Variants in NRAP observed in about 807,000 individuals in gnomAD.
The protein encoded by NRAP is nebulin related anchoring protein, also known as nebulin-related-anchoring protein.
In NRAP, 189 loss-of-function variants were observed where a neutral mutation model predicts 225.9. The ratio of observed to expected loss-of-function variants is 0.84; its 90% CI spans 0.74 to 0.94. The LOEUF (loss-of-function observed/expected upper bound fraction) is 0.94. NRAP is among the 40% of genes least tolerant of loss of function. The pLI is 0.00. For missense variants in NRAP, 2,176 were observed against 2,168.7 expected, an observed-to-expected ratio of 1.00 and a Z score of -0.07; for synonymous variants, 769 against 790.7, an observed-to-expected ratio of 0.97 and a Z score of 0.46.
At position 113,646,710 on chromosome 10, in the gene NRAP, A is replaced by C. The variant is rs531133747; in HGVS notation, c.993+213T>G. On this transcript the variant is annotated intron_variant, in intron 10 of 41. Coordinates refer to ENST00000359988, the MANE Select transcript of NRAP (RefSeq NM_198060.4). ...CCTCTGTACTTGCTTCAATGGCCTC[A>C]AGCGAGCTATGCTGGCTGTCCGTGT... Among the ~76,000 whole-genome samples the C allele has an allele frequency of 3.9e-4, 59 of 152,342 alleles. 1 individual carries two copies. Among genetic ancestry groups the C allele is most frequent in the African/African-American group, 1.4e-3 (57 of 41,574 alleles).
chr10:113,588,840 G>GTTAT lies in NRAP; in HGVS notation c.*131_*134dup, dbSNP rs1418691327. 1.4e-6 allele frequency: 1 copy of GTTAT among 699,894 alleles called. No homozygotes were observed. The highest frequency in any genetic ancestry group is 1.8e-5 in the African/African-American group (1 of 56,200). The allele number at this position is 699,894 out of a possible 1,614,324, so 43.4% of individuals were successfully genotyped here. A position where few individuals can be genotyped will look rare whatever the true frequency, so the allele number is the denominator to read the frequency against. Reference sequence around the variant, plus strand: ...ACAACATTCTCCATCTGCTTTCAGAGTTATTATTTTAATAAAGGAAGATCT... The same window carrying GTTAT: ...ACAACATTCTCCATCTGCTTTCAGAGTTATTTATTATTTTAATAAAGGAAGATCT... On this transcript the variant is annotated 3_prime_UTR_variant, in exon 42 of 42. Transcript: ENST00000359988.
chr10:113,630,142 C>T (rs866666868), intron 18 of NRAP, among the ~76,000 whole-genome samples: 4 of 152,174 alleles, frequency 2.6e-5, no homozygotes, highest in Non-Finnish European at 4.4e-5. Flanking sequence ...CCTGATCTGC[C>T]CTCTAACAGC....
intron 11 of NRAP, among the ~76,000 whole-genome samples, chr10:113,644,543 C>T (rs140096801): frequency 0.013 from 2,012 of 152,266 alleles, 32 homozygotes; most frequent in Non-Finnish European, 0.019. Context: ...AGGCAGTGGG[C>T]TGGATTTGTC....
At chr10:113,646,066 A>T (rs1849489251) in intron 10 of NRAP, 125 bp from the exon 11 acceptor site, 1 of 571,358 alleles carries the variant, frequency 1.8e-6, no homozygotes, top group African/African-American at 1.9e-5. Flanking sequence ...AAAGAAAAAA[A>T]AATTCACATG....
intron 3 of NRAP, among the ~76,000 whole-genome samples, chr10:113,662,151 T>A (rs960277196): frequency 1.3e-5 from 2 of 152,320 alleles, no homozygotes; most frequent in African/African-American, 4.8e-5. Flanking sequence ...CAAATGCACT[T>A]TACATGTGTA....
At chr10:113,639,599 CTT>C (rs1849080672) in intron 14 of NRAP, among the ~76,000 whole-genome samples, 1 of 152,170 alleles carries the variant, frequency 6.6e-6, no homozygotes, top group Non-Finnish European at 1.5e-5. Flanking sequence ...TAGTAGGTGA[CTT>C]TTATCTTTTT....
At chr10:113,647,631 TAGTGGTACTGTCTCCCCCC>T (rs1564752930) in intron 9 of NRAP, among the ~76,000 whole-genome samples, 3 of 29,768 alleles carry the variant, frequency 1.0e-4, no homozygotes, top group African/African-American at 1.9e-4. Context: ...CTTCCTCCCC[TAGTGGTACTGTCTCCCCCC>T]GGTGGTACTG....
Position 113,610,546 on chromosome 10 carries a change from G to C in NRAP, c.3516C>G (p.Asp1172Glu). The part of the protein sequence containing the change: ...KLQSENLYRS[D>E]LNFMRGVACV... ...ATGCAACACCTCGCATAAAGTTCAG[G>C]TCTGACCGGTACAAATTCTAGAAGA... Residue 1172 changes from aspartate to glutamate, a missense_variant, in exon 31 of 42, where the codon GAC (aspartate) becomes GAG (glutamate). Physicochemically the swap from Asp to Glu is conservative, Grantham distance 45 (BLOSUM62 2). This residue lies in a region of NRAP where 1,708 missense variants were observed against 1,695.5 expected (regional missense o/e 1.01). Transcript: ENST00000359988. 1 of 1,591,228 alleles carries C rather than the reference G, an allele frequency of 6.3e-7. No individual in the cohort carries two copies. The highest frequency in any genetic ancestry group is 1.1e-5 in the South Asian group (1 of 90,700).
At chr10:113,626,180 G>A (rs1848282949) in intron 20 of NRAP, 35 bp from the exon 21 acceptor site, 1 of 1,484,462 alleles carries the variant, frequency 6.7e-7, no homozygotes, top group Non-Finnish European at 9.2e-7. Flanking sequence ...ACAGCATTAG[G>A]ATTGGGTTGC....
Position 113,623,532 on chromosome 10 carries a change from G to A in NRAP, c.2454C>T (p.Ser818=), listed in dbSNP as rs144699839. 1.7e-5 allele frequency: 28 copies of A among 1,609,958 alleles called. No individual in the cohort carries two copies. Among genetic ancestry groups the A allele is most frequent in the Admixed American group, 3.3e-5 (2 of 59,982 alleles). Residue 818 remains serine (S), a synonymous_variant, in exon 23 of 42, where the codon AGC becomes AGT. Coordinates refer to ENST00000359988, the MANE Select transcript of NRAP (RefSeq NM_198060.4). ...LAAKAKRDLA[S]EVKYKEDYER... ...TACAAGGTGGGGACAGACTCACCTC[G>A]CTAGCCAGGTCCCTCTTGGCTTTGG...
chr10:113,594,449 C>A (rs1421009871), intron 38 of NRAP, among the ~76,000 whole-genome samples: 1 of 152,184 alleles, frequency 6.6e-6, no homozygotes, highest in Non-Finnish European at 1.5e-5. Flanking sequence ...AAGCCGGGCC[C>A]CAAATGCACT....
chr10:113,590,855 C>A lies in NRAP; in HGVS notation c.4679G>T (p.Gly1560Val), dbSNP rs142885145. 1.2e-6 allele frequency: 2 copies of A among 1,614,026 alleles called. No homozygotes were observed. The highest frequency in any genetic ancestry group is 8.5e-7 in the Non-Finnish European group (1 of 1,179,996). The change falls in exon 40 of 42, where the codon GGC becomes GTC. Residue 1560 changes from glycine (G) to valine (V), a missense_variant. Gly to Val is a moderately radical substitution (Grantham distance 109). Transcript: ENST00000359988. Reference protein sequence around the residue: ...RYKEAFLRDRGLQIGYRSVDD... With the variant: ...RYKEAFLRDRVLQIGYRSVDD... ...GACACTGCGGTACCCGATCTGCAGG[C>A]CTCGGTCCCGCAGGAAAGCCTCTTT...
At chr10:113,630,594 C>T (rs7912899) in intron 18 of NRAP, among the ~76,000 whole-genome samples, 88,020 of 151,982 alleles carry the variant, frequency 0.58, 26,139 homozygotes, top group East Asian at 0.72. Flanking sequence ...CTGACTACCA[C>T]ATGGCTTTGG....
chr10:113,621,834 A>G (rs760520574), intron 24 of NRAP, 35 bp downstream of exon 24: 1 of 1,566,520 alleles, frequency 6.4e-7, no homozygotes, highest in East Asian at 2.3e-5. Flanking sequence ...ACACACACAT[A>G]CACACACAAG....
chr10:113,624,735 G>A, intron 22 of NRAP, 91 bp downstream of exon 22: 1 of 853,980 alleles, frequency 1.2e-6, no homozygotes. Flanking sequence ...AGTTGATACA[G>A]ACACTATGCC....
intron 8 of NRAP, 65 bp downstream of exon 8, chr10:113,650,373 C>T: frequency 1.7e-6 from 2 of 1,178,456 alleles, no homozygotes; most frequent in East Asian, 2.3e-5. Flanking sequence ...GGAAGTTGGA[C>T]TCCTCAGACC....
At chr10:113,597,945 G>A (rs1472864494) in intron 36 of NRAP, 24 bp downstream of exon 36, 1 of 1,487,042 alleles carries the variant, frequency 6.7e-7, no homozygotes, top group East Asian at 2.3e-5. Context: ...CTTGTCACTT[G>A]TGGTGGGGAC....
In NRAP at chr10:113,663,361, T is replaced by C; in HGVS notation, c.158A>G (p.Tyr53Cys). ...NNFVSHQKKP[Y>C]CHAHNPKNNT... ...GGCATCAAACACTTACGCGTGACAG[T>C]ACGGCTTTTTCTGGTGACTCACAAA... is the stretch of plus-strand genomic sequence containing the variant. Residue 53 changes from tyrosine to cysteine, a missense_variant, in exon 2 of 42, where the codon TAC (tyrosine) becomes TGC (cysteine). Around this residue, in one of 3 missense-constraint regions of NRAP, gnomAD observed 1,708 missense variants for 1,695.5 expected, o/e 1.01. Transcript: ENST00000359988. The C allele has an allele frequency of 6.2e-7, 1 of 1,606,188 alleles. No homozygotes were observed. The highest frequency in any genetic ancestry group is 8.5e-7 in the Non-Finnish European group (1 of 1,172,720).
At chr10:113,640,847 A>G (rs1327534246) in intron 13 of NRAP, among the ~76,000 whole-genome samples, 1 of 152,180 alleles carries the variant, frequency 6.6e-6, no homozygotes, top group Admixed American at 6.5e-5. Flanking sequence ...AGCTAAAGAG[A>G]GATTAATAGA....
Sources: allele counts gnomAD v4.1 joint callset (sites outside exome capture counted in the v4.1 genomes callset), GRCh38; gene constraint gnomAD v4.1.1; regional missense constraint gnomAD v4.1.1; transcripts MANE v1.5; gene names NCBI Gene and HGNC (gene_info 2026-07-23, HGNC 2026-07-21).